FOXP1: variants seen among roughly 807,000 people sequenced by gnomAD.
FOXP1 encodes the protein forkhead box protein P1.
FOXP1 carries 15 observed loss-of-function variants against 98.2 expected under a neutral mutation model. The observed-to-expected ratio is 0.15, with a 90% CI of 0.10 to 0.24. The LOEUF (loss-of-function observed/expected upper bound fraction) is 0.24. FOXP1 is among the 10% of genes least tolerant of loss of function. The pLI is 1.00. For missense variants in FOXP1, 633 were observed against 848.5 expected (o/e 0.75, Z 3.15); for synonymous variants, 371 against 314.5 (o/e 1.18, Z -1.90).
intron 3 of FOXP1, among the ~76,000 whole-genome samples, chr3:71,441,859 T>A (rs560093972): frequency 6.6e-6 from 1 of 152,200 alleles, no homozygotes; most frequent in Non-Finnish European, 1.5e-5. Context: ...CCACTCAGAC[T>A]GCAGAAGAAT....
intron 7 of FOXP1, among the ~76,000 whole-genome samples, chr3:71,054,975 A>G (rs2050421626): frequency 6.7e-6 from 1 of 150,192 alleles, no homozygotes; most frequent in African/African-American, 2.4e-5. Context: ...GTGCTACTTA[A>G]AAAAAAAAAT....
intron 3 of FOXP1, among the ~76,000 whole-genome samples, chr3:71,491,176 C>G (rs1348036885): frequency 6.6e-6 from 1 of 152,150 alleles, no homozygotes; most frequent in Non-Finnish European, 1.5e-5. Flanking sequence ...CCACCACGCC[C>G]AGCTAACTTT....
At chr3:71,371,062 C>T (rs909855036) in intron 3 of FOXP1, among the ~76,000 whole-genome samples, 5 of 152,048 alleles carry the variant, frequency 3.3e-5, no homozygotes, top group Admixed American at 6.6e-5. Context: ...GGATTACAGG[C>T]GTGAACCACT....
chr3:71,567,164 GA>G (rs1402206138), intron 2 of FOXP1, among the ~76,000 whole-genome samples: 3 of 152,022 alleles, frequency 2.0e-5, no homozygotes, highest in Non-Finnish European at 2.9e-5. Context: ...ACATTCTAAA[GA>G]AAAATGAGAA....
chr3:71,097,441 T>C (rs1023834069), intron 7 of FOXP1, among the ~76,000 whole-genome samples: 14 of 152,162 alleles, frequency 9.2e-5, no homozygotes, highest in African/African-American at 3.4e-4. Flanking sequence ...ATCTGGCTCT[T>C]TACAGAGAAA....
chr3:70,981,688 T>C (rs2038896919), intron 14 of FOXP1, among the ~76,000 whole-genome samples: 1 of 152,220 alleles, frequency 6.6e-6, no homozygotes, highest in Non-Finnish European at 1.5e-5. Flanking sequence ...AGAGCAGCTG[T>C]GGCCATTCCA....
chr3:70,978,290 G>A (rs1056689031), intron 14 of FOXP1, among the ~76,000 whole-genome samples: 2 of 152,186 alleles, frequency 1.3e-5, no homozygotes, highest in Non-Finnish European at 1.5e-5. Context: ...TTACCTACCT[G>A]AGGGAGTGTG....
chr3:71,424,139 T>C (rs1272704954), intron 3 of FOXP1, among the ~76,000 whole-genome samples: 2 of 152,092 alleles, frequency 1.3e-5, no homozygotes, highest in South Asian at 2.1e-4. Flanking sequence ...GCCAACCTTT[T>C]TCAATAAGTA....
chr3:71,376,264 A>ATGATTTCTATAC (rs2079703450), intron 3 of FOXP1, among the ~76,000 whole-genome samples: 3 of 152,104 alleles, frequency 2.0e-5, no homozygotes. Flanking sequence ...TAAGGCCCAG[A>ATGATTTCTATAC]AGCAGCTACA....
At chr3:71,501,956 C>T (rs2107195195) in intron 2 of FOXP1, among the ~76,000 whole-genome samples, 1 of 152,232 alleles carries the variant, frequency 6.6e-6, no homozygotes, top group South Asian at 2.1e-4. Context: ...CTGGGATTTG[C>T]AGGTTATATC....
intron 5 of FOXP1, among the ~76,000 whole-genome samples, chr3:71,204,442 G>C (rs2108423751): frequency 6.6e-6 from 1 of 152,268 alleles, no homozygotes; most frequent in Non-Finnish European, 1.5e-5. Flanking sequence ...TAATGCTCAT[G>C]TGGGTGTTAC....
intron 2 of FOXP1, among the ~76,000 whole-genome samples, chr3:71,548,909 A>G (rs1166526666): frequency 6.6e-6 from 1 of 152,226 alleles, no homozygotes; most frequent in Non-Finnish European, 1.5e-5. Flanking sequence ...TCAAAGCAGG[A>G]CCATGATGAG....
At chr3:71,428,543 C>T (rs1418446549) in intron 3 of FOXP1, among the ~76,000 whole-genome samples, 1 of 152,222 alleles carries the variant, frequency 6.6e-6, no homozygotes, top group Non-Finnish European at 1.5e-5. Flanking sequence ...GCTACTGTAT[C>T]TTAACAAGTC....
rs957080643 is a variant in FOXP1 at position 70,957,066 on chromosome 3, T to A, written c.*2181A>T. On this transcript the variant is annotated 3_prime_UTR_variant, in exon 21 of 21. Coordinates refer to ENST00000649528, the MANE Select transcript of FOXP1 (RefSeq NM_001349338.3). ...ATCTCTTTTTCTAGAAATACTATTA[T>A]GTAATCTAGTTCAATTATGGAAGCT... 2 of 223,066 alleles carry A rather than the reference T, an allele frequency of 9.0e-6. No individual in the cohort carries two copies. Among genetic ancestry groups the A allele is most frequent in the Non-Finnish European group, 1.8e-5 (2 of 111,846 alleles). The allele number at this position is 223,066 out of a possible 1,614,324, so 13.8% of individuals were successfully genotyped here.
At chr3:71,181,343 G>A (rs115490798) in intron 6 of FOXP1, among the ~76,000 whole-genome samples, 31 of 152,344 alleles carry the variant, frequency 2.0e-4, no homozygotes, top group South Asian at 4.1e-4. Flanking sequence ...TAAGGAGCAC[G>A]TTTTAAAGGG....
chr3:71,112,403 G>A, intron 7 of FOXP1, 133 bp downstream of exon 7: 2 of 763,236 alleles, frequency 2.6e-6, no homozygotes, highest in South Asian at 3.1e-5. Flanking sequence ...CAACTTGCTG[G>A]TAAACCAAAA....
chr3:71,093,464 C>A (rs1188643018), intron 7 of FOXP1, among the ~76,000 whole-genome samples: 1 of 140,434 alleles, frequency 7.1e-6, no homozygotes, highest in South Asian at 2.4e-4. Flanking sequence ...ACTGTACTAG[C>A]CACATTTCAA....
intron 6 of FOXP1, among the ~76,000 whole-genome samples, chr3:71,115,524 A>G (rs1028936274): frequency 6.6e-6 from 1 of 150,770 alleles, no homozygotes; most frequent in Admixed American, 6.6e-5. Flanking sequence ...TTTAGTAGAG[A>G]CGGGGTTTCA....
At chr3:71,261,832 A>G (rs1173616869) in intron 5 of FOXP1, among the ~76,000 whole-genome samples, 1 of 152,196 alleles carries the variant, frequency 6.6e-6, no homozygotes, top group Non-Finnish European at 1.5e-5. Context: ...CCAACTTCAT[A>G]GCCTATGGAA....
Sources: allele counts gnomAD v4.1 joint callset (sites outside exome capture counted in the v4.1 genomes callset), GRCh38; gene constraint gnomAD v4.1.1; transcripts MANE v1.5; gene names NCBI Gene and HGNC (gene_info 2026-07-23, HGNC 2026-07-21).